FBXW10B: variants seen among roughly 807,000 people sequenced by gnomAD.
FBXW10B encodes the protein F-box and WD repeat domain containing 10B.
the FBXW10B span, among the ~76,000 whole-genome samples, chr17:15,577,152 T>A: frequency 2.6e-5 from 4 of 152,064 alleles, no homozygotes; most frequent in African/African-American, 9.6e-5. Context: ...CATAAACATT[T>A]TATAAGTATA....
At chr17:15,608,492 T>C in the FBXW10B span, among the ~76,000 whole-genome samples, 29,524 of 150,190 alleles carry the variant, frequency 0.2, 3,227 homozygotes, top group East Asian at 0.42. Context: ...TCACTCTTCT[T>C]ACCCAGGCTG....
the FBXW10B span, chr17:15,565,921 C>T: frequency 6.2e-7 from 1 of 1,605,284 alleles, no homozygotes; most frequent in Non-Finnish European, 8.5e-7. Flanking sequence ...TTGGTCTCCA[C>T]CCTTTAAGCT....
chr17:15,612,468 T>A, the FBXW10B span, among the ~76,000 whole-genome samples: 1 of 151,808 alleles, frequency 6.6e-6, no homozygotes, highest in Non-Finnish European at 1.5e-5. Flanking sequence ...GAGCCAAGAC[T>A]GTGCCACTGC....
At chr17:15,590,173 A>C in the FBXW10B span, among the ~76,000 whole-genome samples, 1 of 151,262 alleles carries the variant, frequency 6.6e-6, no homozygotes, top group Non-Finnish European at 1.5e-5. Context: ...CATCTCCCAC[A>C]TGGGGCTAAT....
chr17:15,615,640 C>T, the FBXW10B span: 5 of 1,613,826 alleles, frequency 3.1e-6, no homozygotes, highest in Non-Finnish European at 4.2e-6. Context: ...TGAAAGTTCA[C>T]TTACCAGGGT....
At chr17:15,604,583 G>C in the FBXW10B span, among the ~76,000 whole-genome samples, 1 of 152,072 alleles carries the variant, frequency 6.6e-6, no homozygotes, top group African/African-American at 2.4e-5. Flanking sequence ...CGCCCAGTCT[G>C]GAGTGCAGTG....
the FBXW10B span, among the ~76,000 whole-genome samples, chr17:15,576,470 C>T: frequency 6.6e-6 from 1 of 152,192 alleles, no homozygotes; most frequent in Non-Finnish European, 1.5e-5. Flanking sequence ...TCAGTACAAA[C>T]AAGAATTTCT....
the FBXW10B span, among the ~76,000 whole-genome samples, chr17:15,579,686 T>C: frequency 1.4e-4 from 21 of 152,252 alleles, no homozygotes; most frequent in Admixed American, 1.3e-4. Flanking sequence ...AAAGCTTTCT[T>C]GACTTAACAT....
chr17:15,580,307 C>G, the FBXW10B span, among the ~76,000 whole-genome samples: 1 of 152,114 alleles, frequency 6.6e-6, no homozygotes, highest in Non-Finnish European at 1.5e-5. Flanking sequence ...TTGTTCAACT[C>G]TATTTCAGAT....
the FBXW10B span, chr17:15,618,816 A>T: frequency 1.0e-6 from 1 of 982,928 alleles, no homozygotes; most frequent in African/African-American, 1.7e-5. Flanking sequence ...GAAGGAAGTT[A>T]CACTCAGTCA....
At chr17:15,609,445 G>C in the FBXW10B span, among the ~76,000 whole-genome samples, 4 of 152,144 alleles carry the variant, frequency 2.6e-5, no homozygotes, top group South Asian at 8.3e-4. Context: ...CCCAACCCAG[G>C]TGAGAATTCA....
chr17:15,605,091 G>A, the FBXW10B span: 5 of 1,485,232 alleles, frequency 3.4e-6, no homozygotes, highest in East Asian at 9.6e-5. Context: ...AAAATAAGCT[G>A]AAGGTATTCT....
chr17:15,592,603 C>G, the FBXW10B span, among the ~76,000 whole-genome samples: 1 of 152,046 alleles, frequency 6.6e-6, no homozygotes, highest in Admixed American at 6.6e-5. Flanking sequence ...AGCTTTCCCC[C>G]ACTGTACCCC....
the FBXW10B span, among the ~76,000 whole-genome samples, chr17:15,570,591 C>T: frequency 6.6e-6 from 1 of 152,058 alleles, no homozygotes; most frequent in Non-Finnish European, 1.5e-5. Flanking sequence ...GAGCTCCTGA[C>T]TAGTATATAA....
At chr17:15,570,088 T>A in the FBXW10B span, among the ~76,000 whole-genome samples, 5 of 152,136 alleles carry the variant, frequency 3.3e-5, no homozygotes, top group African/African-American at 1.2e-4. Flanking sequence ...ATGCTAGCCA[T>A]TATACCTGGC....
the FBXW10B span, chr17:15,593,389 T>G: frequency 6.2e-7 from 1 of 1,614,080 alleles, no homozygotes. Context: ...CCATTGGCTT[T>G]TATCACCTTC....
chr17:15,611,338 T>C, the FBXW10B span, among the ~76,000 whole-genome samples: 1 of 152,206 alleles, frequency 6.6e-6, no homozygotes. Context: ...TGTGTTTTCT[T>C]TGGCCTATGT....
At chr17:15,586,239 C>T in the FBXW10B span, among the ~76,000 whole-genome samples, 2 of 151,666 alleles carry the variant, frequency 1.3e-5, no homozygotes, top group Non-Finnish European at 2.9e-5. Context: ...CAGCTGTGGA[C>T]TTTAATCTTC....
chr17:15,596,986 A>G, the FBXW10B span, among the ~76,000 whole-genome samples: 3 of 152,054 alleles, frequency 2.0e-5, no homozygotes, highest in African/African-American at 7.2e-5. Flanking sequence ...CAAGCCTGAA[A>G]AATGCTTGCT....
Sources: allele counts gnomAD v4.1 joint callset (sites outside exome capture counted in the v4.1 genomes callset), GRCh38; gene constraint gnomAD v4.1.1; transcripts MANE v1.5; gene names NCBI Gene and HGNC (gene_info 2026-07-23, HGNC 2026-07-21).